EBF1: variants seen among roughly 807,000 people sequenced by gnomAD.
EBF1 encodes the protein EBF transcription factor 1, also known as transcription factor COE1.
In EBF1, 10 loss-of-function variants were observed where a neutral mutation model predicts 68.4. The observed-to-expected ratio is 0.15, with a 90% CI of 0.09 to 0.25. The LOEUF (loss-of-function observed/expected upper bound fraction) is 0.25, where lower values mean the gene tolerates loss of function less well. EBF1 is among the 10% of genes least tolerant of loss of function. EBF1 has a pLI of 1.00. For missense variants in EBF1, 509 were observed against 794.4 expected, an observed-to-expected ratio of 0.64 and a Z score of 4.32; for synonymous variants, 298 against 299.8, an observed-to-expected ratio of 0.99 and a Z score of 0.06.
chr5:159,047,856 C>G (rs1223662228), intron 6 of EBF1, among the ~76,000 whole-genome samples: 1 of 152,094 alleles, frequency 6.6e-6, no homozygotes, highest in Non-Finnish European at 1.5e-5. Context: ...CTCTCACATC[C>G]CCCATCAAAG....
chr5:158,777,664 C>T (rs2127680046), intron 9 of EBF1, 125 bp from the exon 10 acceptor site: 1 of 960,014 alleles, frequency 1.0e-6, no homozygotes, highest in South Asian at 2.6e-5. Flanking sequence ...TAAATCCAAT[C>T]TTGATGGAAC....
At chr5:158,797,533 T>C (rs1779805375) in intron 8 of EBF1, among the ~76,000 whole-genome samples, 1 of 152,178 alleles carries the variant, frequency 6.6e-6, no homozygotes, top group Non-Finnish European at 1.5e-5. Flanking sequence ...TTCTGAGCAT[T>C]GAAGCCAATG....
intron 6 of EBF1, among the ~76,000 whole-genome samples, chr5:158,972,851 T>A (rs2127566688): frequency 6.6e-6 from 1 of 152,264 alleles, no homozygotes. Flanking sequence ...CTCAAACCTG[T>A]CAGGCACACT....
At chr5:158,823,822 C>A (rs894857707) in intron 7 of EBF1, among the ~76,000 whole-genome samples, 1 of 152,026 alleles carries the variant, frequency 6.6e-6, no homozygotes, top group Admixed American at 6.6e-5. Context: ...ATTTCTTGTA[C>A]GTTTTTCTTT....
chr5:158,695,988 C>CAAAA lies in EBF1; in HGVS notation c.*3119_*3122dup. 6.6e-6 allele frequency: 1 copy of CAAAA among 150,406 alleles called. No homozygotes were observed. The highest frequency in any genetic ancestry group is 1.4e-5 in the Non-Finnish European group (1 of 70,228). 9.3% of individuals were successfully genotyped at this position (150,406 alleles called of 1,614,324 possible). A position where few individuals can be genotyped will look rare whatever the true frequency, so the allele number is the denominator to read the frequency against. On this transcript the variant is annotated 3_prime_UTR_variant, in exon 16 of 16. Transcript: ENST00000313708. ...AAAGTTTTTACAGCTTGAATTTTTGCAAAAAAAAAAAAAAAATTTAACAAT... is the reference window on the plus strand; with the variant it reads ...AAAGTTTTTACAGCTTGAATTTTTGCAAAAAAAAAAAAAAAAAAAATTTAACAAT...
intron 6 of EBF1, among the ~76,000 whole-genome samples, chr5:158,992,358 T>C (rs1283375375): frequency 6.6e-6 from 1 of 152,100 alleles, no homozygotes; most frequent in African/African-American, 2.4e-5. Flanking sequence ...AAGAAATGTA[T>C]GCCCTTTTGA....
intron 6 of EBF1, among the ~76,000 whole-genome samples, chr5:158,982,268 T>C (rs1041981110): frequency 1.3e-5 from 2 of 152,222 alleles, no homozygotes; most frequent in African/African-American, 4.8e-5. Context: ...TAAATAAACA[T>C]TAGCTGCTAC....
At chr5:158,985,158 AT>A (rs1224047854) in intron 6 of EBF1, among the ~76,000 whole-genome samples, 1 of 152,234 alleles carries the variant, frequency 6.6e-6, no homozygotes, top group African/African-American at 2.4e-5. Flanking sequence ...ATATAAAGAT[AT>A]GGCAATAGTC....
chr5:158,900,457 C>G (rs1229401598), intron 6 of EBF1, among the ~76,000 whole-genome samples: 1 of 152,170 alleles, frequency 6.6e-6, no homozygotes, highest in African/African-American at 2.4e-5. Context: ...GAGGAGGGCT[C>G]TTTCTCTCTA....
At chr5:158,712,005 C>A in intron 14 of EBF1, 149 bp downstream of exon 14, 5 of 886,262 alleles carry the variant, frequency 5.6e-6, no homozygotes, top group Non-Finnish European at 8.5e-6. Context: ...GACGATGGTG[C>A]CTTTAGCACC....
At chr5:158,777,067 G>A (rs1206363845) in intron 10 of EBF1, among the ~76,000 whole-genome samples, 2 of 152,160 alleles carry the variant, frequency 1.3e-5, no homozygotes, top group African/African-American at 2.4e-5. Flanking sequence ...GTTCATGAAA[G>A]CACAAACCTA....
chr5:158,922,949 T>C (rs953440025), intron 6 of EBF1, among the ~76,000 whole-genome samples: 1 of 152,248 alleles, frequency 6.6e-6, no homozygotes, highest in African/African-American at 2.4e-5. Flanking sequence ...GCCACTTGTA[T>C]CTGCAAAGTA....
At chr5:158,957,343 A>C (rs1817338961) in intron 6 of EBF1, among the ~76,000 whole-genome samples, 1 of 152,242 alleles carries the variant, frequency 6.6e-6, no homozygotes, top group Admixed American at 6.5e-5. Context: ...AGATTAAGTC[A>C]CATAAGAAAT....
intron 6 of EBF1, among the ~76,000 whole-genome samples, chr5:159,059,596 T>G (rs1347928200): frequency 6.6e-6 from 1 of 152,164 alleles, no homozygotes; most frequent in Non-Finnish European, 1.5e-5. Flanking sequence ...GAAACATTAA[T>G]CAAACCATGG....
chr5:158,837,414 A>G (rs1789049782), intron 7 of EBF1, among the ~76,000 whole-genome samples: 1 of 152,244 alleles, frequency 6.6e-6, no homozygotes, highest in Non-Finnish European at 1.5e-5. Context: ...TCACTTACAA[A>G]TTAGCTATAC....
chr5:158,762,725 C>T (rs531931999), intron 10 of EBF1, among the ~76,000 whole-genome samples: 7 of 152,054 alleles, frequency 4.6e-5, no homozygotes, highest in Non-Finnish European at 1.0e-4. Flanking sequence ...TTAGTAGAGA[C>T]GGGGTTTCAC....
chr5:158,835,509 A>G (rs1029351580), intron 7 of EBF1, among the ~76,000 whole-genome samples: 5 of 152,196 alleles, frequency 3.3e-5, no homozygotes, highest in Non-Finnish European at 7.3e-5. Context: ...AATGTTCTTC[A>G]TGCAGATGGC....
intron 6 of EBF1, among the ~76,000 whole-genome samples, chr5:158,895,852 A>G (rs1024523244): frequency 6.6e-6 from 1 of 151,992 alleles, no homozygotes; most frequent in African/African-American, 2.4e-5. Context: ...TAAAAATAAA[A>G]CTCCTGAGAT....
chr5:159,087,441 C>T (rs57018059), intron 4 of EBF1, among the ~76,000 whole-genome samples: 21 of 71,540 alleles, frequency 2.9e-4, no homozygotes, highest in East Asian at 5.8e-4. Flanking sequence ...CATATATATA[C>T]ATATATATAT....
Sources: gnomAD v4.1 joint callset for allele counts (sites outside exome capture counted in the v4.1 genomes callset) on GRCh38, gnomAD v4.1.1 for gene constraint, MANE v1.5 for transcripts, NCBI Gene and HGNC (gene_info 2026-07-23, HGNC 2026-07-21) for gene names.